The following PLCH2 variants were observed in gnomAD, a reference collection of about 807,000 sequenced individuals.
PLCH2 encodes phospholipase C eta 2, also known as 1-phosphatidylinositol 4,5-bisphosphate phosphodiesterase eta-2.
In PLCH2, 98 loss-of-function variants were observed where a neutral mutation model predicts 134.7. That is an observed-to-expected ratio of 0.73 (90% CI 0.62 to 0.86). PLCH2 has a LOEUF of 0.86. Among genes scored for constraint, PLCH2 ranks in the 40% least tolerant of loss-of-function variants. The pLI, the probability that PLCH2 is intolerant of heterozygous loss-of-function variation, is 0.00. For missense variants in PLCH2, 1,994 were observed against 1,986.6 expected, an observed-to-expected ratio of 1.00 and a Z score of -0.07; for synonymous variants, 974 against 827.5, an observed-to-expected ratio of 1.18 and a Z score of -3.04.
Position 2,502,159 on chromosome 1 carries a change from G to C in PLCH2, c.2709G>C (p.Lys903Asn), listed in dbSNP as rs1342621682. The part of the protein sequence containing the change: ...GLKGLFLRGP[K>N]PGSLDSHAAG... ...AAGGCCTCTTCCTCCGAGGCCCAAA[G>C]CCCGGCTCGCTGGACAGTCATGCTG... The change falls in exon 21 of 22, where the codon AAG becomes AAC. Residue 903 changes from lysine to asparagine, a missense_variant. Around this residue, in one of 2 missense-constraint regions of PLCH2, gnomAD observed 900 missense variants for 752.3 expected, o/e 1.20. Transcript: ENST00000378486. 1 of 1,499,918 alleles carries C rather than the reference G, an allele frequency of 6.7e-7. No individual in the cohort carries two copies. Among genetic ancestry groups the C allele is most frequent in the Non-Finnish European group, 8.9e-7 (1 of 1,128,810 alleles). The allele number at this position is 1,499,918 out of a possible 1,614,324, so 92.9% of individuals were successfully genotyped here. A position where few individuals can be genotyped will look rare whatever the true frequency, so the allele number is the denominator to read the frequency against.
Position 2,499,711 on chromosome 1 carries a change from C to T in PLCH2, c.2652C>T (p.Ile884=), listed in dbSNP as rs376029349. 14 of 1,585,214 alleles carry T rather than the reference C, an allele frequency of 8.8e-6. No homozygotes were observed. Among genetic ancestry groups the T allele is most frequent in the Admixed American group, 1.8e-5 (1 of 56,302 alleles). The change falls in exon 20 of 22, where the codon ATC becomes ATT. Residue 884 remains isoleucine, a synonymous_variant. Transcript: ENST00000378486. ...TCGTGCATGTGGCTGTCAGTGACAT[C>T]AGCGGTAAGGTGAGTGTCACCCCCT... is the stretch of plus-strand genomic sequence containing the variant. ...SIFVHVAVSD[I]SGKVKQALGL...
At chr1:2,484,183 G>A (rs537222750) in intron 4 of PLCH2, among the ~76,000 whole-genome samples, 2 of 152,248 alleles carry the variant, frequency 1.3e-5, no homozygotes, top group East Asian at 1.9e-4. Flanking sequence ...TGTGTGGGGT[G>A]AGTATATGGA....
upstream of PLCH2, among the ~76,000 whole-genome samples, chr1:2,423,988 A>C (rs2100463606): frequency 6.6e-6 from 1 of 152,104 alleles, no homozygotes; most frequent in South Asian, 2.1e-4. Flanking sequence ...TCAGCCTCAA[A>C]CCCTGTCTTC....
chr1:2,489,991 A>AT, intron 10 of PLCH2, 124 bp downstream of exon 10: 1 of 737,832 alleles, frequency 1.4e-6, no homozygotes, highest in Middle Eastern at 3.5e-4. Context: ...ATTGGGGCAG[A>AT]TTCGCACAGC....
chr1:2,436,531 TCCTTCCTCCCTCCTC>T lies in PLCH2; in HGVS notation c.115+5916_115+5930del, dbSNP rs1463766314. 7.8e-3 allele frequency among the ~76,000 whole-genome samples: 335 copies of T among 42,768 alleles called. 51 individuals are homozygous for T. Among genetic ancestry groups the T allele is most frequent in the East Asian group, 0.069 (44 of 642 alleles). 28.1% of individuals were successfully genotyped at this position (42,768 alleles called of 152,430 possible). A position where few individuals can be genotyped will look rare whatever the true frequency, so the allele number is the denominator to read the frequency against. On this transcript the variant is annotated intron_variant, in intron 2 of 3. Coordinates refer to the PLCH2 transcript ENST00000609981. The stretch of plus-strand genomic sequence containing the variant: ...TCCTCCTTCCTCCCTCCTCCTTTCC[TCCTTCCTCCCTCCTC>T]CCTTCCTCCCTCCACCTTTCCTCCT...
chr1:2,451,830 G>T (rs926656484), intron 2 of PLCH2, among the ~76,000 whole-genome samples: 4 of 152,130 alleles, frequency 2.6e-5, no homozygotes, highest in Non-Finnish European at 5.9e-5. Flanking sequence ...GCTGCCGGGG[G>T]GGCGGTGGGT....
rs961686462 is a variant in PLCH2 at position 2,451,281 on chromosome 1, T to C, written c.115+20652T>C. On this transcript the variant is annotated intron_variant, in intron 2 of 3. Coordinates refer to the PLCH2 transcript ENST00000609981. Reference sequence around the variant, plus strand: ...CTTGCCTCGTGTCCCGATTGTGGGGTCTGGGGCCAGAGATGTGTGTGCCTC... The same window carrying C: ...CTTGCCTCGTGTCCCGATTGTGGGGCCTGGGGCCAGAGATGTGTGTGCCTC... 1.4e-4 allele frequency among the ~76,000 whole-genome samples: 22 copies of C among 151,990 alleles called. 1 individual carries two copies. Among genetic ancestry groups the C allele is most frequent in the Admixed American group, 7.9e-4 (12 of 15,272 alleles).
At chr1:2,430,783 C>T (rs1454515067) in intron 2 of PLCH2, among the ~76,000 whole-genome samples, 4 of 152,240 alleles carry the variant, frequency 2.6e-5, no homozygotes, top group Non-Finnish European at 5.9e-5. Flanking sequence ...AGAACTGGGG[C>T]TCTGCTAGCA....
intron 1 of PLCH2, among the ~76,000 whole-genome samples, chr1:2,470,502 G>T (rs759650866): frequency 1.3e-5 from 2 of 152,214 alleles, no homozygotes; most frequent in Non-Finnish European, 2.9e-5. Flanking sequence ...CAGAGCATTC[G>T]TGGGGCTGCT....
chr1:2,437,114 G>A (rs981361130), intron 2 of PLCH2, among the ~76,000 whole-genome samples: 1 of 152,234 alleles, frequency 6.6e-6, no homozygotes, highest in African/African-American at 2.4e-5. Context: ...CAGGTGCTCA[G>A]TGTTGCCCTG....
intron 2 of PLCH2, among the ~76,000 whole-genome samples, chr1:2,461,838 G>A (rs1640815264): frequency 6.6e-6 from 1 of 150,620 alleles, no homozygotes; most frequent in South Asian, 2.1e-4. Flanking sequence ...CATGGAAGGT[G>A]GGCAGGGCAG....
In PLCH2 at chr1:2,505,324, C is replaced by T. The variant is rs1263882336; in HGVS notation, c.*111C>T. ...CCCCAAAACTGTGTCCCCCTGGCTG[C>T]CCTGTGTCCCCTCCACCCCTGCCTC... is the stretch of plus-strand genomic sequence containing the variant. On this transcript the variant is annotated 3_prime_UTR_variant, in exon 22 of 22. Coordinates refer to ENST00000378486, the MANE Select transcript of PLCH2 (RefSeq NM_014638.4). 3.9e-6 allele frequency: 3 copies of T among 765,872 alleles called. No homozygotes were observed. Among genetic ancestry groups the T allele is most frequent in the South Asian group, 1.8e-5 (1 of 54,534 alleles). 47.4% of individuals were successfully genotyped at this position (765,872 alleles called of 1,614,324 possible). A position where few individuals can be genotyped will look rare whatever the true frequency, so the allele number is the denominator to read the frequency against.
chr1:2,425,606 T>C (rs564222746), upstream of PLCH2, among the ~76,000 whole-genome samples: 1 of 152,244 alleles, frequency 6.6e-6, no homozygotes, highest in East Asian at 1.9e-4. Flanking sequence ...TTCTGCCTTC[T>C]GTGCTCAAGT....
At chr1:2,447,527 G>C (rs904614318) in intron 2 of PLCH2, among the ~76,000 whole-genome samples, 1 of 152,208 alleles carries the variant, frequency 6.6e-6, no homozygotes, top group Non-Finnish European at 1.5e-5. Context: ...CCGTGTTGAG[G>C]GCCTGCAGCT....
In PLCH2 at chr1:2,478,384, G is replaced by A. The variant is rs1315266157; in HGVS notation, c.125-92G>A. ...CTCCGCTGACGGCCGTGTTTCTCCC[G>A]TGAGGAGTGGCCGTGCCTCCGCTGA... On this transcript the variant is annotated intron_variant, in intron 1 of 21. Coordinates refer to ENST00000378486, the MANE Select transcript of PLCH2 (RefSeq NM_014638.4). 27 of 1,494,962 alleles carry A rather than the reference G, an allele frequency of 1.8e-5. 1 individual carries two copies. The Middle Eastern group carries it at 5.9e-4, about 32-fold the overall frequency. 92.6% of individuals were successfully genotyped at this position (1,494,962 alleles called of 1,614,324 possible).
rs771521829 is a variant in PLCH2, at chr1:2,499,627, C to G, written c.2582-14C>G. On this transcript the variant is annotated splice_polypyrimidine_tract_variant and intron_variant, in intron 19 of 21. Coordinates refer to ENST00000378486, the MANE Select transcript of PLCH2 (RefSeq NM_014638.4). ...GCTGTGACCTCATGACCCTGCTGAC[C>G]CACACTGCTCCAGGCTACAGACACG... is the stretch of plus-strand genomic sequence containing the variant. 1.3e-6 allele frequency: 2 copies of G among 1,588,552 alleles called. No individual in the cohort carries two copies. Among genetic ancestry groups the G allele is most frequent in the South Asian group, 2.3e-5 (2 of 86,996 alleles).
intron 2 of PLCH2, among the ~76,000 whole-genome samples, chr1:2,460,321 C>T (rs891544743): frequency 6.6e-6 from 1 of 152,264 alleles, no homozygotes; most frequent in Non-Finnish European, 1.5e-5. Context: ...CCTCTGGGTG[C>T]GGGGCCTACC....
At chr1:2,420,871 C>T in the PLCH2 span, among the ~76,000 whole-genome samples, 6 of 152,046 alleles carry the variant, frequency 3.9e-5, no homozygotes, top group Non-Finnish European at 8.8e-5. Flanking sequence ...TTTGTATTTT[C>T]CAGAATGCTG....
chr1:2,442,930 A>T (rs1372508698), intron 2 of PLCH2, among the ~76,000 whole-genome samples: 1 of 152,252 alleles, frequency 6.6e-6, no homozygotes, highest in Admixed American at 6.5e-5. Context: ...TGCCTGCAGC[A>T]GAGCGGGGAA....
Sources: gnomAD v4.1 joint callset for allele counts (sites outside exome capture counted in the v4.1 genomes callset) on GRCh38, gnomAD v4.1.1 for gene constraint, gnomAD v4.1.1 regional missense constraint, MANE v1.5 for transcripts, NCBI Gene and HGNC (gene_info 2026-07-23, HGNC 2026-07-21) for gene names.